Variants in STEAP1B observed in about 807,000 individuals in gnomAD.
STEAP1B encodes STEAP family protein MGC87042.
A neutral mutation model predicts 27.9 loss-of-function variants in STEAP1B; 13 were observed. The observed-to-expected ratio is 0.47, with a 90% confidence interval of 0.30 to 0.74. The LOEUF is 0.74. Among genes scored for constraint, STEAP1B ranks in the 30% least tolerant of loss-of-function variants. The pLI is 0.06. For synonymous variants in STEAP1B, 86 were observed against 107.1 expected, an observed-to-expected ratio of 0.80 and a Z score of 1.22; for missense variants, 250 against 298.7, an observed-to-expected ratio of 0.84 and a Z score of 1.20.
chr7:22,492,093 G>A (rs927660190), intron 4 of STEAP1B, among the ~76,000 whole-genome samples: 3 of 151,644 alleles, frequency 2.0e-5, no homozygotes, highest in East Asian at 1.9e-4. Flanking sequence ...AGGCCGAGGC[G>A]GGCAGATCAC....
intron 4 of STEAP1B, among the ~76,000 whole-genome samples, chr7:22,487,048 G>A (rs1450929834): frequency 6.6e-6 from 1 of 152,210 alleles, no homozygotes; most frequent in Non-Finnish European, 1.5e-5. Context: ...GAGGAAGGAA[G>A]GAAACAAAGG....
At chr7:22,466,144 C>T (rs1339282700) in intron 4 of STEAP1B, among the ~76,000 whole-genome samples, 1 of 152,182 alleles carries the variant, frequency 6.6e-6, no homozygotes, top group African/African-American at 2.4e-5. Flanking sequence ...TTTTGGCTCA[C>T]AGTGCTAAAA....
At chr7:22,480,605 A>T (rs1049667112) in intron 4 of STEAP1B, among the ~76,000 whole-genome samples, 1 of 152,256 alleles carries the variant, frequency 6.6e-6, no homozygotes, top group African/African-American at 2.4e-5. Context: ...CTCTATTGAG[A>T]AAAATGGCTC....
Position 22,492,615 on chromosome 7 carries a change from T to C in STEAP1B, c.712A>G (p.Ile238Val), listed in dbSNP as rs558137282. The C allele has an allele frequency of 2.9e-4, 471 of 1,613,514 alleles. 1 individual carries two copies. The highest frequency in any genetic ancestry group is 2.0e-4 in the Non-Finnish European group (231 of 1,179,716). The change falls in exon 4 of 5, where the codon ATT (isoleucine) becomes GTT (valine). Residue 238 changes from isoleucine (I) to valine (V), a missense_variant. By Grantham distance (29) the Ile-to-Val change is conservative (BLOSUM62 3). Transcript: ENST00000678116. ...AILALLAVTS[I>V]PSVSDSLTWR... is the part of the protein sequence containing the mutation. The stretch of plus-strand genomic sequence containing the variant: ...GTCAAAGAGTCACTCACAGATGGAA[T>C]AGATGTCACAGCCAACAGAGCCAGT...
chr7:22,499,510 A>C (rs372342368), intron 1 of STEAP1B, among the ~76,000 whole-genome samples: 1 of 152,210 alleles, frequency 6.6e-6, no homozygotes, highest in East Asian at 1.9e-4. Context: ...CAAAAGTAAC[A>C]AAGTAAGAAA....
At chr7:22,463,360 C>T (rs189698359) in intron 4 of STEAP1B, among the ~76,000 whole-genome samples, 5 of 152,184 alleles carry the variant, frequency 3.3e-5, no homozygotes, top group African/African-American at 1.2e-4. Flanking sequence ...GAATCAATAT[C>T]ATGAAAATGG....
chr7:22,424,116 G>C (rs1327218416), intron 4 of STEAP1B, among the ~76,000 whole-genome samples: 1 of 152,186 alleles, frequency 6.6e-6, no homozygotes, highest in African/African-American at 2.4e-5. Flanking sequence ...CTAATACCTT[G>C]ACTACCTTCT....
chr7:22,464,824 G>A (rs1345135594), intron 4 of STEAP1B, among the ~76,000 whole-genome samples: 1 of 150,736 alleles, frequency 6.6e-6, no homozygotes, highest in Non-Finnish European at 1.5e-5. Flanking sequence ...TTTCTGTTAA[G>A]ACACCAGTCT....
chr7:22,463,723 T>C (rs1785720137), intron 4 of STEAP1B, among the ~76,000 whole-genome samples: 1 of 152,096 alleles, frequency 6.6e-6, no homozygotes, highest in South Asian at 2.1e-4. Flanking sequence ...CCCTACTTAA[T>C]AAATGGTGCT....
chr7:22,476,659 T>A (rs898146984), intron 4 of STEAP1B, among the ~76,000 whole-genome samples: 8 of 152,158 alleles, frequency 5.3e-5, no homozygotes, highest in African/African-American at 1.9e-4. Flanking sequence ...CAAACACACA[T>A]TCAGGTGCAT....
At chr7:22,435,042 A>G (rs1459290820) in intron 4 of STEAP1B, among the ~76,000 whole-genome samples, 1 of 152,146 alleles carries the variant, frequency 6.6e-6, no homozygotes, top group Non-Finnish European at 1.5e-5. Context: ...AATTTTATTT[A>G]ATTTTAACTC....
At chr7:22,453,797 C>T (rs1388653787) in intron 4 of STEAP1B, among the ~76,000 whole-genome samples, 1 of 152,186 alleles carries the variant, frequency 6.6e-6, no homozygotes, top group Non-Finnish European at 1.5e-5. Context: ...TCTTTGTATA[C>T]ATGAAGTCTT....
chr7:22,472,571 T>C (rs1454074608), intron 4 of STEAP1B, among the ~76,000 whole-genome samples: 1 of 152,210 alleles, frequency 6.6e-6, no homozygotes, highest in Admixed American at 6.5e-5. Context: ...CAACATTGAA[T>C]CTAACCATAA....
intron 4 of STEAP1B, among the ~76,000 whole-genome samples, chr7:22,467,135 T>A (rs536344075): frequency 5.9e-5 from 9 of 152,356 alleles, no homozygotes; most frequent in Admixed American, 3.3e-4. Flanking sequence ...ATTTATAAGA[T>A]CCCTTTCTTG....
chr7:22,434,052 G>A (rs1320242602), intron 4 of STEAP1B, among the ~76,000 whole-genome samples: 3 of 152,170 alleles, frequency 2.0e-5, no homozygotes, highest in Non-Finnish European at 2.9e-5. Context: ...TTCTAACCAC[G>A]TAAGAAGCAC....
At chr7:22,458,878 CT>C (rs76609977) in intron 4 of STEAP1B, among the ~76,000 whole-genome samples, 3,795 of 144,442 alleles carry the variant, frequency 0.026, 110 homozygotes, top group African/African-American at 0.069. Flanking sequence ...GGTACGCTAA[CT>C]TTTTTTTTTT....
intron 4 of STEAP1B, among the ~76,000 whole-genome samples, chr7:22,483,256 C>T (rs4719695): frequency 0.49 from 74,187 of 151,808 alleles, 18,444 homozygotes; most frequent in African/African-American, 0.58. Context: ...GAAAAAGTCA[C>T]CTTAGAAAAG....
At chr7:22,444,184 C>G (rs760979412) in intron 4 of STEAP1B, among the ~76,000 whole-genome samples, 1 of 152,220 alleles carries the variant, frequency 6.6e-6, no homozygotes, top group African/African-American at 2.4e-5. Flanking sequence ...AGACCTTTAA[C>G]GTCTCTAGGC....
At chr7:22,486,228 G>C (rs550207189) in intron 4 of STEAP1B, among the ~76,000 whole-genome samples, 1 of 152,284 alleles carries the variant, frequency 6.6e-6, no homozygotes, top group Non-Finnish European at 1.5e-5. Flanking sequence ...AAAGTCGCTT[G>C]CGTTCACAGA....
Sources: allele counts gnomAD v4.1 joint callset (sites outside exome capture counted in the v4.1 genomes callset), GRCh38; gene constraint gnomAD v4.1.1; transcripts MANE v1.5; gene names NCBI Gene and HGNC (gene_info 2026-07-23, HGNC 2026-07-21).